Variants in DHRS7B observed in about 807,000 individuals in gnomAD.
DHRS7B encodes peroxisomal reductase activating PPAR-gamma.
In DHRS7B, 24 loss-of-function variants were observed where a neutral mutation model predicts 26.4. That is an observed-to-expected ratio of 0.91 (90% CI 0.66 to 1.28). DHRS7B has a LOEUF of 1.28. DHRS7B is among the 50% of genes most tolerant of loss of function. The pLI, the probability that DHRS7B is intolerant of heterozygous loss-of-function variation, is 0.00. For synonymous variants in DHRS7B, 142 were observed against 166.4 expected, an observed-to-expected ratio of 0.85 and a Z score of 1.13; for missense variants, 368 against 419.4, an observed-to-expected ratio of 0.88 and a Z score of 1.07.
At chr17:21,178,488 C>T (rs1480977180) in intron 3 of DHRS7B, 146 bp downstream of exon 3, 5 of 652,108 alleles carry the variant, frequency 7.7e-6, no homozygotes, top group African/African-American at 1.8e-5. Context: ...GTCTCCATAG[C>T]GAACCGGGCC....
rs116951487 is a variant in DHRS7B, at chr17:21,147,904, C to A, written c.20+20913C>A. On this transcript the variant is annotated intron_variant, in intron 1 of 6. Transcript: ENST00000395511. ...AGGTTTCACCTACAGGTCCCTTGGG[C>A]ACAGTGTGGGAGGATCAAGAATTCA... Among the ~76,000 whole-genome samples, 884 of 152,140 alleles carry A rather than the reference C, an allele frequency of 5.8e-3. 5 individuals carry two copies. The highest frequency in any genetic ancestry group is 0.01 in the Non-Finnish European group (710 of 68,004).
At chr17:21,153,877 C>G (rs1973825305) in intron 1 of DHRS7B, among the ~76,000 whole-genome samples, 1 of 151,918 alleles carries the variant, frequency 6.6e-6, no homozygotes, top group Non-Finnish European at 1.5e-5. Flanking sequence ...CAAAAACATT[C>G]AAACCATAGC....
chr17:21,169,785 G>A (rs778550760), intron 1 of DHRS7B, among the ~76,000 whole-genome samples: 9 of 152,088 alleles, frequency 5.9e-5, no homozygotes, highest in Non-Finnish European at 1.0e-4. Context: ...GTTCGGAGGG[G>A]TTTCCACCCA....
intron 1 of DHRS7B, 40 bp downstream of exon 1, chr17:21,127,031 T>C (rs1973114347): frequency 4.6e-6 from 7 of 1,511,170 alleles, no homozygotes; most frequent in Non-Finnish European, 6.2e-6. Flanking sequence ...GATGAGGCGA[T>C]AGGGTCTGGC....
chr17:21,178,296 C>A lies in DHRS7B; in HGVS notation c.263C>A (p.Ala88Asp). The part of the protein sequence containing the change: ...KLVLCGRNGG[A>D]LEELIRELTA... ...GTGCTCTGTGGCCGGAATGGTGGGG[C>A]CCTAGAAGAGCTCATCAGAGAACTC... Residue 88 changes from alanine to aspartate, a missense_variant, in exon 3 of 7, where the codon GCC becomes GAC. Transcript: ENST00000395511. 1 of 1,608,780 alleles carries A rather than the reference C, an allele frequency of 6.2e-7. No individual in the cohort carries two copies. The highest frequency in any genetic ancestry group is 2.2e-5 in the East Asian group (1 of 44,882).
chr17:21,141,640 A>AAAAAAAAAAAG lies in DHRS7B; in HGVS notation c.20+14649_20+14650insAAAAAAAAAAG. 1.0e-3 allele frequency among the ~76,000 whole-genome samples: 94 copies of AAAAAAAAAAAG among 90,082 alleles called. 7 individuals are homozygous for AAAAAAAAAAAG. The highest frequency in any genetic ancestry group is 1.4e-3 in the East Asian group (4 of 2,902). 59.1% of individuals were successfully genotyped at this position (90,082 alleles called of 152,430 possible). A position where few individuals can be genotyped will look rare whatever the true frequency, so the allele number is the denominator to read the frequency against. On this transcript the variant is annotated intron_variant, in intron 1 of 6. Transcript: ENST00000395511. ...AAAGCAAAAAAAAAAAAAAAAAAAA[A>AAAAAAAAAAAG]CAACCTCATCTCAAACTCCACAAAG...
intron 5 of DHRS7B, among the ~76,000 whole-genome samples, chr17:21,185,776 C>T (rs1469022643): frequency 6.6e-6 from 1 of 152,026 alleles, no homozygotes; most frequent in African/African-American, 2.4e-5. Context: ...CAACCTCCGC[C>T]TCCCGGGTTC....
At chr17:21,138,077 T>TAC (rs1567616043) in intron 1 of DHRS7B, among the ~76,000 whole-genome samples, 4 of 97,502 alleles carry the variant, frequency 4.1e-5, no homozygotes, top group Non-Finnish European at 7.4e-5. Context: ...AAAAAAAAAA[T>TAC]ATATATATAT....
chr17:21,171,984 T>G (rs1480125451), intron 1 of DHRS7B, 34 bp from the exon 2 acceptor site: 1 of 1,613,904 alleles, frequency 6.2e-7, no homozygotes, highest in Non-Finnish European at 8.5e-7. Context: ...CTCTGCTACT[T>G]TGTCACTGGT....
chr17:21,140,022 C>CTTTTTTTTTTTT lies in DHRS7B; in HGVS notation c.20+13040_20+13051dup, dbSNP rs201900387. On this transcript the variant is annotated intron_variant, in intron 1 of 6. Coordinates refer to ENST00000395511, the MANE Select transcript of DHRS7B (RefSeq NM_015510.5). ...TTTTTTCCTATCAGACTTTCAGATT[C>CTTTTTTTTTTTT]TTTTTTTTTTTTTTTTTTTTGAGAC... Among the ~76,000 whole-genome samples the CTTTTTTTTTTTT allele has an allele frequency of 9.4e-4, 100 of 106,678 alleles. 5 individuals are homozygous for CTTTTTTTTTTTT. Among genetic ancestry groups the CTTTTTTTTTTTT allele is most frequent in the Non-Finnish European group, 1.2e-3 (65 of 54,600 alleles). The allele number at this position is 106,678 out of a possible 152,430, so 70.0% of individuals were successfully genotyped here.
intron 1 of DHRS7B, among the ~76,000 whole-genome samples, chr17:21,141,414 G>T (rs1973506345): frequency 6.6e-6 from 1 of 151,898 alleles, no homozygotes. Flanking sequence ...ACTAGAATTA[G>T]GTTCCTTAAC....
At chr17:21,164,423 C>G (rs1032699960) in intron 1 of DHRS7B, among the ~76,000 whole-genome samples, 3 of 152,172 alleles carry the variant, frequency 2.0e-5, no homozygotes, top group African/African-American at 7.2e-5. Context: ...AACTAGATTC[C>G]TGAACTCCTA....
chr17:21,180,013 G>A (rs191278528), intron 3 of DHRS7B, among the ~76,000 whole-genome samples: 37 of 150,132 alleles, frequency 2.5e-4, no homozygotes, highest in Admixed American at 1.9e-3. Context: ...CGATCCACCC[G>A]CCTGGGGCCT....
At chr17:21,184,270 C>A in intron 4 of DHRS7B, 101 bp from the exon 5 acceptor site, 2 of 1,048,572 alleles carry the variant, frequency 1.9e-6, no homozygotes, top group South Asian at 1.5e-5. Context: ...ACCATTCTCC[C>A]TCATTCTGAC....
At chr17:21,127,640 G>T (rs1450417066) in intron 1 of DHRS7B, 1 of 152,436 alleles carries the variant, frequency 6.6e-6, no homozygotes, top group East Asian at 1.9e-4. Context: ...TCATAAGGTT[G>T]TTGTGAAGCG....
At chr17:21,178,083 G>A (rs1359056006) in intron 2 of DHRS7B, 150 bp from the exon 3 acceptor site, 1 of 720,934 alleles carries the variant, frequency 1.4e-6, no homozygotes, top group East Asian at 2.7e-5. Flanking sequence ...CCGGCATTGG[G>A]CCCTAGCTCC....
At chr17:21,179,088 G>C (rs1974455372) in intron 3 of DHRS7B, among the ~76,000 whole-genome samples, 1 of 152,080 alleles carries the variant, frequency 6.6e-6, no homozygotes, top group African/African-American at 2.4e-5. Flanking sequence ...AGGACTATAG[G>C]CATGTGCCAC....
rs1380508763 is a variant in DHRS7B at position 21,139,615 on chromosome 17, A to C, written c.20+12624A>C. ...CTTGAACCTGGGAGGCAGAAGTTGC[A>C]GTGAGCCAAGATCGCGCCACTGCAC... On this transcript the variant is annotated intron_variant, in intron 1 of 6. Transcript: ENST00000395511. Among the ~76,000 whole-genome samples the C allele has an allele frequency of 2.6e-5, 4 of 152,112 alleles. No homozygotes were observed. The East Asian group carries it at 7.7e-4, about 29-fold the overall frequency.
intron 1 of DHRS7B, among the ~76,000 whole-genome samples, chr17:21,134,632 C>T (rs1393033326): frequency 6.6e-6 from 1 of 152,158 alleles, no homozygotes; most frequent in African/African-American, 2.4e-5. Flanking sequence ...CCAGTTTCTC[C>T]AATTGTGTCC....
Sources: gnomAD v4.1 joint callset for allele counts (sites outside exome capture counted in the v4.1 genomes callset) on GRCh38, gnomAD v4.1.1 for gene constraint, MANE v1.5 for transcripts, NCBI Gene and HGNC (gene_info 2026-07-23, HGNC 2026-07-21) for gene names.